BICC1: variants seen among roughly 807,000 people sequenced by gnomAD.
BICC1 encodes the protein BicC family RNA binding protein 1.
BICC1 carries 43 observed loss-of-function variants against 111.0 expected under a neutral mutation model. The observed-to-expected ratio is 0.39, with a 90% CI of 0.30 to 0.50. The LOEUF (loss-of-function observed/expected upper bound fraction) is 0.50. Ranked by LOEUF, BICC1 falls within the 20% of genes least tolerant of loss-of-function variation. The probability of loss-of-function intolerance (pLI) is 0.88; values close to 1 mark genes in which losing one functional copy is unlikely to be tolerated. For missense variants in BICC1, 1,091 were observed against 1,203.2 expected (o/e 0.91, Z 1.38); for synonymous variants, 467 against 434.4 (o/e 1.07, Z -0.93).
intron 3 of BICC1, among the ~76,000 whole-genome samples, chr10:58,712,130 G>A (rs2132488142): frequency 6.6e-6 from 1 of 152,232 alleles, no homozygotes; most frequent in East Asian, 1.9e-4. Flanking sequence ...CATTAGAGTT[G>A]CAAATTAGAA....
chr10:58,682,136 C>A (rs781025957), intron 2 of BICC1, among the ~76,000 whole-genome samples: 1 of 151,360 alleles, frequency 6.6e-6, no homozygotes, highest in African/African-American at 2.4e-5. Flanking sequence ...TCTGTCCTGG[C>A]GATAGTTTGC....
At chr10:58,582,812 C>A (rs369521335) in intron 1 of BICC1, among the ~76,000 whole-genome samples, 12 of 152,302 alleles carry the variant, frequency 7.9e-5, no homozygotes, top group East Asian at 7.7e-4. Flanking sequence ...CCTGATTCTT[C>A]TGCCTTTCTC....
At chr10:58,801,728 G>A (rs1197118039) in intron 14 of BICC1, among the ~76,000 whole-genome samples, 1 of 151,912 alleles carries the variant, frequency 6.6e-6, no homozygotes, top group Non-Finnish European at 1.5e-5. Context: ...TTTATGCAAA[G>A]ATTAGCGTAC....
At chr10:58,539,323 G>A (rs1198797453) in intron 1 of BICC1, among the ~76,000 whole-genome samples, 1 of 151,596 alleles carries the variant, frequency 6.6e-6, no homozygotes, top group African/African-American at 2.4e-5. Flanking sequence ...ATTTACAGGT[G>A]GTTTCTAAGC....
chr10:58,814,456 TCCAGG>T, intron 18 of BICC1: 2 of 270,958 alleles, frequency 7.4e-6, no homozygotes, highest in Non-Finnish European at 1.4e-5. Context: ...CACACATGCA[TCCAGG>T]TGGTGACAAA....
At chr10:58,823,216 A>G (rs1844303016) in intron 20 of BICC1, 4 of 984,920 alleles carry the variant, frequency 4.1e-6, no homozygotes, top group Non-Finnish European at 4.8e-6. Flanking sequence ...TTCCCGACCT[A>G]TTCTTTTAGT....
At chr10:58,523,910 A>G (rs1413963758) in intron 1 of BICC1, among the ~76,000 whole-genome samples, 1 of 152,208 alleles carries the variant, frequency 6.6e-6, no homozygotes, top group East Asian at 1.9e-4. Context: ...TACACCAATA[A>G]CAGACAAACA....
chr10:58,682,975 G>A (rs1362680483), intron 2 of BICC1, among the ~76,000 whole-genome samples: 1 of 152,148 alleles, frequency 6.6e-6, no homozygotes, highest in Non-Finnish European at 1.5e-5. Flanking sequence ...TGTCCTGAAT[G>A]GTATTGCCTA....
chr10:58,582,314 G>T (rs1478216508), intron 1 of BICC1, among the ~76,000 whole-genome samples: 1 of 152,116 alleles, frequency 6.6e-6, no homozygotes, highest in South Asian at 2.1e-4. Context: ...ACATGATGTG[G>T]TCTTTTTGAC....
intron 1 of BICC1, among the ~76,000 whole-genome samples, chr10:58,616,069 T>C (rs1265533927): frequency 6.6e-6 from 1 of 152,000 alleles, no homozygotes; most frequent in Non-Finnish European, 1.5e-5. Context: ...CTGCCGTAAG[T>C]GGGGACCTTC....
intron 2 of BICC1, among the ~76,000 whole-genome samples, chr10:58,685,023 C>T (rs1438909632): frequency 6.6e-6 from 1 of 152,186 alleles, no homozygotes; most frequent in Non-Finnish European, 1.5e-5. Flanking sequence ...ATAAATTTCC[C>T]TCTACACACT....
chr10:58,519,464 G>A (rs1229919692), intron 1 of BICC1, among the ~76,000 whole-genome samples: 1 of 152,152 alleles, frequency 6.6e-6, no homozygotes, highest in African/African-American at 2.4e-5. Context: ...AGTGGGCAAA[G>A]TGGAGGAGCA....
intron 2 of BICC1, among the ~76,000 whole-genome samples, chr10:58,682,967 T>G (rs1213806544): frequency 6.6e-6 from 1 of 152,240 alleles, no homozygotes; most frequent in Non-Finnish European, 1.5e-5. Flanking sequence ...CATGCCTATG[T>G]CCTGAATGGT....
intron 3 of BICC1, among the ~76,000 whole-genome samples, chr10:58,717,942 A>C (rs2893785): frequency 1 from 151,874 of 152,262 alleles, 75,744 homozygotes; most frequent in Middle Eastern, 1. Context: ...TGGAAAAAAA[A>C]AACAACAACA....
At chr10:58,817,986 C>A (rs935539620) in intron 19 of BICC1, among the ~76,000 whole-genome samples, 2 of 152,038 alleles carry the variant, frequency 1.3e-5, no homozygotes, top group Non-Finnish European at 2.9e-5. Context: ...AAAACCCAAT[C>A]GATATATAGA....
intron 3 of BICC1, among the ~76,000 whole-genome samples, chr10:58,756,015 C>T (rs1206540368): frequency 2.0e-5 from 3 of 152,162 alleles, no homozygotes; most frequent in African/African-American, 7.2e-5. Context: ...TTTATTTATT[C>T]TGTCCCTTAC....
At chr10:58,779,430 A>G (rs1322935990) in intron 3 of BICC1, among the ~76,000 whole-genome samples, 2 of 152,254 alleles carry the variant, frequency 1.3e-5, no homozygotes, top group African/African-American at 4.8e-5. Flanking sequence ...AGCCAGTTGT[A>G]GATATGTCAC....
At chr10:58,643,929 C>T (rs1040470535) in intron 2 of BICC1, among the ~76,000 whole-genome samples, 3 of 152,188 alleles carry the variant, frequency 2.0e-5, no homozygotes. Flanking sequence ...AGCACCTACC[C>T]TGCTGAAATA....
chr10:58,745,674 T>A (rs948894803), intron 3 of BICC1, among the ~76,000 whole-genome samples: 1 of 141,824 alleles, frequency 7.1e-6, no homozygotes, highest in African/African-American at 2.6e-5. Flanking sequence ...TAGTCACATC[T>A]CTCTCTGCTT....
Sources: allele counts gnomAD v4.1 joint callset (sites outside exome capture counted in the v4.1 genomes callset), GRCh38; gene constraint gnomAD v4.1.1; transcripts MANE v1.5; gene names NCBI Gene and HGNC (gene_info 2026-07-23, HGNC 2026-07-21).